SLC16A3: variants seen among roughly 807,000 people sequenced by gnomAD.
SLC16A3 encodes the protein monocarboxylate transporter 4.
Under a neutral mutation model 25.0 loss-of-function variants are expected in SLC16A3, and 22 were observed. That is an observed-to-expected ratio of 0.88 (90% CI 0.63 to 1.26). The LOEUF (loss-of-function observed/expected upper bound fraction) is 1.26. SLC16A3 is among the 50% of genes most tolerant of loss of function. The probability of loss-of-function intolerance (pLI) is 0.00; values close to 1 mark genes in which losing one functional copy is unlikely to be tolerated. For synonymous variants in SLC16A3, 390 were observed against 309.2 expected, an observed-to-expected ratio of 1.26 and a Z score of -2.74; for missense variants, 731 against 666.6, an observed-to-expected ratio of 1.10 and a Z score of -1.06.
chr17:82,221,205 A>G (rs1333436110), intron 1 of SLC16A3, among the ~76,000 whole-genome samples: 2 of 152,222 alleles, frequency 1.3e-5, no homozygotes, highest in African/African-American at 4.8e-5. Flanking sequence ...AAGGCAGCCC[A>G]CAGAATGGGG....
chr17:82,232,912 G>GGGT (rs2050521314), intron 1 of SLC16A3, among the ~76,000 whole-genome samples: 1 of 146,656 alleles, frequency 6.8e-6, no homozygotes, highest in Admixed American at 6.8e-5. Context: ...GCTTCCTGGG[G>GGGT]GGCGGCGGGG....
intron 1 of SLC16A3, chr17:82,230,892 GCTC>G (rs2050483586): frequency 6.6e-6 from 1 of 152,296 alleles, no homozygotes; most frequent in African/African-American, 2.4e-5. Flanking sequence ...CCGGGCTCCT[GCTC>G]CGAGACCCGC....
intron 1 of SLC16A3, among the ~76,000 whole-genome samples, chr17:82,232,568 G>A (rs1057254616): frequency 8.5e-5 from 13 of 152,202 alleles, no homozygotes; most frequent in African/African-American, 2.2e-4. Context: ...GGCCTGTGAC[G>A]GGGCAGTGCA....
chr17:82,238,655 G>A, intron 4 of SLC16A3, 47 bp from the exon 5 acceptor site: 1 of 1,559,736 alleles, frequency 6.4e-7, no homozygotes, highest in African/African-American at 1.4e-5. Context: ...CGTGGGCCCT[G>A]GGGGCAGCCC....
At position 82,237,313 on chromosome 17, in the gene SLC16A3, C is replaced by T. The variant is rs906355955; in HGVS notation, c.543C>T (p.Leu181=). The change falls in exon 4 of 5, where the codon CTC becomes CTT. Residue 181 remains leucine (L), a synonymous_variant. Coordinates refer to ENST00000582743, the MANE Select transcript of SLC16A3 (RefSeq NM_004207.4). The part of the protein sequence containing the change: ...QDRYGWRGGF[L]ILGGLLLNCC... ...GCTACGGCTGGCGGGGCGGCTTCCTCATCCTGGGCGGCCTGCTGCTCAACT... is the reference window on the plus strand; with the variant it reads ...GCTACGGCTGGCGGGGCGGCTTCCTTATCCTGGGCGGCCTGCTGCTCAACT... 2 of 1,548,828 alleles carry T rather than the reference C, an allele frequency of 1.3e-6. No homozygotes were observed. The highest frequency in any genetic ancestry group is 3.9e-5 in the Admixed American group (2 of 51,294).
chr17:82,232,619 T>C (rs1293618274), intron 1 of SLC16A3, among the ~76,000 whole-genome samples: 2 of 152,186 alleles, frequency 1.3e-5, no homozygotes, highest in African/African-American at 4.8e-5. Context: ...GAGGACTTCA[T>C]GGTCGAATCC....
intron 1 of SLC16A3, chr17:82,231,274 T>TC (rs1039419570): frequency 6.6e-5 from 10 of 152,100 alleles, no homozygotes; most frequent in Admixed American, 2.0e-4. Flanking sequence ...CCTCCAGCCG[T>TC]CCCTCCGGCC....
chr17:82,239,609 G>A lies in SLC16A3; in HGVS notation c.*633G>A, dbSNP rs929372853. The stretch of plus-strand genomic sequence containing the variant: ...CTTTCCCTGCAGCGGCATAGCATTC[G>A]TAGCAGGGGCAGGCGCTGCATGGAG... On this transcript the variant is annotated 3_prime_UTR_variant, in exon 5 of 5. Transcript: ENST00000582743. 1.7e-5 allele frequency: 4 copies of A among 230,352 alleles called. No individual in the cohort carries two copies. Among genetic ancestry groups the A allele is most frequent in the Admixed American group, 5.7e-5 (1 of 17,426 alleles). The allele number at this position is 230,352 out of a possible 1,614,324, so 14.3% of individuals were successfully genotyped here. A position where few individuals can be genotyped will look rare whatever the true frequency, so the allele number is the denominator to read the frequency against.
At chr17:82,225,053 G>A (rs2050413710), upstream of SLC16A3, among the ~76,000 whole-genome samples, 1 of 152,354 alleles carries the variant, frequency 6.6e-6, no homozygotes, top group South Asian at 2.1e-4. Flanking sequence ...ACAAGGTCAG[G>A]AGTTCAAGAC....
chr17:82,220,847 T>C (rs2050384992), intron 1 of SLC16A3, among the ~76,000 whole-genome samples: 1 of 151,946 alleles, frequency 6.6e-6, no homozygotes. Flanking sequence ...TTAGACAGAG[T>C]CTCACTCTGT....
At chr17:82,219,348 C>T (rs906104379) in intron 1 of SLC16A3, among the ~76,000 whole-genome samples, 3 of 152,090 alleles carry the variant, frequency 2.0e-5, no homozygotes, top group African/African-American at 7.2e-5. Flanking sequence ...GCCCACCCAT[C>T]TCCAAGGGGC....
chr17:82,232,295 C>G (rs2050510329), intron 1 of SLC16A3: 4 of 152,596 alleles, frequency 2.6e-5, no homozygotes, highest in Admixed American at 2.0e-4. Flanking sequence ...AGGGAACGGG[C>G]TGACAGTCCA....
intron 4 of SLC16A3, among the ~76,000 whole-genome samples, chr17:82,238,185 G>T (rs1174819019): frequency 6.6e-6 from 1 of 152,238 alleles, no homozygotes; most frequent in South Asian, 2.1e-4. Flanking sequence ...GCAGCTCCAG[G>T]CAACCCAACA....
chr17:82,233,994 CTGCG>C (rs2050546959), intron 1 of SLC16A3: 4 of 152,232 alleles, frequency 2.6e-5, no homozygotes, highest in South Asian at 2.1e-4. Flanking sequence ...GCGCCTGCCA[CTGCG>C]CCCAGCTAAT....
At chr17:82,223,847 G>T (rs2050403454), upstream of SLC16A3, among the ~76,000 whole-genome samples, 1 of 151,940 alleles carries the variant, frequency 6.6e-6, no homozygotes, top group Admixed American at 6.6e-5. Context: ...CAGCAGCATT[G>T]ACCCTGTCTC....
chr17:82,238,106 C>G (rs557030230), intron 4 of SLC16A3, among the ~76,000 whole-genome samples: 1 of 152,316 alleles, frequency 6.6e-6, no homozygotes, highest in Non-Finnish European at 1.5e-5. Context: ...TGTGTCCAGA[C>G]AGGCAGGGTG....
chr17:82,222,320 C>T (rs1166253300), intron 1 of SLC16A3, among the ~76,000 whole-genome samples: 4 of 152,186 alleles, frequency 2.6e-5, no homozygotes, highest in Admixed American at 2.6e-4. Flanking sequence ...TGGGACCCAG[C>T]AACTCCGCTC....
chr17:82,239,948 G>A lies in SLC16A3; in HGVS notation c.*972G>A. ...TGGCCAGCAGTGGCCTGCGTGGCTGGGAGCCCGGTCAGAGGCCGCCGGGGC... is the reference window on the plus strand; with the variant it reads ...TGGCCAGCAGTGGCCTGCGTGGCTGAGAGCCCGGTCAGAGGCCGCCGGGGC... On this transcript the variant is annotated 3_prime_UTR_variant, in exon 5 of 5. Coordinates refer to ENST00000582743, the MANE Select transcript of SLC16A3 (RefSeq NM_004207.4). The A allele has an allele frequency of 8.2e-7, 1 of 1,216,610 alleles. No individual in the cohort carries two copies. The highest frequency in any genetic ancestry group is 1.0e-6 in the Non-Finnish European group (1 of 972,322). The allele number at this position is 1,216,610 out of a possible 1,614,324, so 75.4% of individuals were successfully genotyped here. A position where few individuals can be genotyped will look rare whatever the true frequency, so the allele number is the denominator to read the frequency against.
intron 1 of SLC16A3, among the ~76,000 whole-genome samples, chr17:82,233,305 C>T (rs902712883): frequency 3.3e-5 from 5 of 152,130 alleles, no homozygotes; most frequent in Non-Finnish European, 7.4e-5. Flanking sequence ...GGGGCTTGTC[C>T]AAATGCCTCA....
Sources: gnomAD v4.1 joint callset for allele counts (sites outside exome capture counted in the v4.1 genomes callset) on GRCh38, gnomAD v4.1.1 for gene constraint, MANE v1.5 for transcripts, NCBI Gene and HGNC (gene_info 2026-07-23, HGNC 2026-07-21) for gene names.